Variants in MRE11 observed in about 807,000 individuals in gnomAD.
MRE11 encodes double-strand break repair protein MRE11.
Under a neutral mutation model 91.7 loss-of-function variants are expected in MRE11, and 62 were observed. The ratio of observed to expected loss-of-function variants is 0.68; its 90% CI spans 0.55 to 0.84. MRE11 has a LOEUF of 0.84. Among genes scored for constraint, MRE11 ranks in the 40% least tolerant of loss-of-function variants. The pLI is 0.00. For missense variants in MRE11, 796 were observed against 852.9 expected, an observed-to-expected ratio of 0.93 and a Z score of 0.83; for synonymous variants, 273 against 271.4, an observed-to-expected ratio of 1.01 and a Z score of -0.06.
intron 19 of MRE11, among the ~76,000 whole-genome samples, chr11:94,427,189 T>C (rs1250282711): frequency 6.6e-6 from 1 of 152,124 alleles, no homozygotes; most frequent in Non-Finnish European, 1.5e-5. Context: ...AAAAAGTTAA[T>C]ATACCATGAT....
chr11:94,494,612 G>C (rs182573421), upstream of MRE11, among the ~76,000 whole-genome samples: 463 of 152,194 alleles, frequency 3.0e-3, 2 homozygotes, highest in African/African-American at 9.5e-3. Flanking sequence ...ATTCCTGATG[G>C]AATATCAGGA....
chr11:94,503,250 GCAGCCAC>G, the MRE11 span, among the ~76,000 whole-genome samples: 3 of 151,950 alleles, frequency 2.0e-5, no homozygotes, highest in Admixed American at 2.0e-4. Flanking sequence ...CCAGATCCTG[GCAGCCAC>G]CATTCTACTC....
Position 94,454,264 on chromosome 11 carries a change from G to C in MRE11, c.1563+2012C>G, listed in dbSNP as rs185746194. 5.8e-3 allele frequency among the ~76,000 whole-genome samples: 877 copies of C among 151,312 alleles called. 5 individuals are homozygous for C. Among genetic ancestry groups the C allele is most frequent in the African/African-American group, 0.019 (795 of 40,830 alleles). On this transcript the variant is annotated intron_variant, in intron 14 of 19. Coordinates refer to ENST00000323929, the MANE Select transcript of MRE11 (RefSeq NM_005591.4). ...AATTTTTGTATTTTTTGTAGAGATG[G>C]GGTTTTGCCATGTTGCCCAGGCTGG...
rs1208266534 is a variant in MRE11 at position 94,470,612 on chromosome 11, C to T, written c.876G>A (p.Arg292=). The T allele has an allele frequency of 6.2e-7, 1 of 1,613,060 alleles. No homozygotes were observed. The highest frequency in any genetic ancestry group is 8.5e-7 in the Non-Finnish European group (1 of 1,179,378). The change falls in exon 9 of 20, where the codon AGG becomes AGA. Residue 292 remains arginine, a synonymous_variant. Transcript: ENST00000323929. ...GAGGAATTTTATGCATATTCATCTT[C>T]CTCCCTTTAATACGCAGCAAACCAA... ...KHVGLLRIKG[R]KMNMHKIPLH... is the part of the protein sequence containing the mutation.
chr11:94,475,226 A>G (rs1157798353), intron 7 of MRE11: 1 of 153,454 alleles, frequency 6.5e-6, no homozygotes, highest in Admixed American at 6.4e-5. Flanking sequence ...TAACAACGAA[A>G]AATATAAATT....
rs138606025 is a variant in MRE11, at chr11:94,462,017, G to A, written c.1226-981C>T. 8.8e-3 allele frequency among the ~76,000 whole-genome samples: 1,345 copies of A among 152,292 alleles called. 22 individuals carry two copies. Among genetic ancestry groups the A allele is most frequent in the African/African-American group, 0.031 (1,290 of 41,540 alleles). ...GTGAACCTGGGAGGCGGAGCTTACA[G>A]TGAGCTGAGATCACGCCACTGCACT... On this transcript the variant is annotated intron_variant, in intron 11 of 19. Coordinates refer to ENST00000323929, the MANE Select transcript of MRE11 (RefSeq NM_005591.4).
intron 19 of MRE11, among the ~76,000 whole-genome samples, chr11:94,422,547 A>G (rs911607673): frequency 1.3e-5 from 2 of 152,192 alleles, no homozygotes; most frequent in Non-Finnish European, 2.9e-5. Flanking sequence ...AGAAGCTAAA[A>G]AAAATTCCGA....
At chr11:94,435,773 T>C in intron 18 of MRE11, 59 bp downstream of exon 18, 6 of 1,420,744 alleles carry the variant, frequency 4.2e-6, no homozygotes, top group African/African-American at 1.4e-5. Flanking sequence ...AACTTTGGAA[T>C]TCTGGATAAT....
At chr11:94,511,944 C>T in the MRE11 span, among the ~76,000 whole-genome samples, 1 of 152,238 alleles carries the variant, frequency 6.6e-6, no homozygotes, top group African/African-American at 2.4e-5. Context: ...TTGGAAACTA[C>T]AATGTGCTTA....
chr11:94,482,488 G>C (rs1947036060), intron 4 of MRE11, among the ~76,000 whole-genome samples: 2 of 151,702 alleles, frequency 1.3e-5, no homozygotes, highest in South Asian at 4.2e-4. Context: ...CTGTGCTTCA[G>C]AAAGAAGGAA....
intron 16 of MRE11, among the ~76,000 whole-genome samples, chr11:94,440,520 G>C (rs918315272): frequency 6.6e-6 from 1 of 152,108 alleles, no homozygotes; most frequent in Admixed American, 6.5e-5. Context: ...CTAGAACTCA[G>C]AGAGGTAAGC....
upstream of MRE11, among the ~76,000 whole-genome samples, chr11:94,496,189 G>C (rs1045546139): frequency 6.6e-6 from 1 of 152,058 alleles, no homozygotes; most frequent in African/African-American, 2.4e-5. Flanking sequence ...CTGATTCTTC[G>C]AAATAGTATT....
chr11:94,444,831 T>C (rs919777639), intron 16 of MRE11, among the ~76,000 whole-genome samples: 5 of 149,250 alleles, frequency 3.4e-5, no homozygotes, highest in Non-Finnish European at 7.4e-5. Flanking sequence ...AATTATAATA[T>C]TTAAAAAATA....
chr11:94,496,828 G>A (rs1374591351), upstream of MRE11: 6 of 1,613,914 alleles, frequency 3.7e-6, no homozygotes, highest in Non-Finnish European at 5.1e-6. Context: ...AAAGTCTTTG[G>A]GTAGGCAATT....
rs12273275 is a variant in MRE11, at chr11:94,472,068, T to C, written c.660-309A>G. Among the ~76,000 whole-genome samples the C allele has an allele frequency of 0.09, 13,654 of 152,058 alleles. 1,739 individuals carry two copies. Among genetic ancestry groups the C allele is most frequent in the African/African-American group, 0.29 (11,874 of 41,466 alleles). Reference sequence around the variant, plus strand: ...TCCCCTTTGGTCAATCAGAAAAGCATGAATTCTATCAATAGTAGAAATCTA... The same window carrying C: ...TCCCCTTTGGTCAATCAGAAAAGCACGAATTCTATCAATAGTAGAAATCTA... On this transcript the variant is annotated intron_variant, in intron 7 of 19. Coordinates refer to ENST00000323929, the MANE Select transcript of MRE11 (RefSeq NM_005591.4).
intron 9 of MRE11, among the ~76,000 whole-genome samples, chr11:94,469,825 A>G (rs1591691424): frequency 6.6e-6 from 1 of 152,166 alleles, no homozygotes; most frequent in Non-Finnish European, 1.5e-5. Context: ...CATGAAAAGA[A>G]AACATAGTAG....
At chr11:94,456,457 T>C (rs1199106126) in intron 13 of MRE11, 119 bp from the exon 14 acceptor site, 1 of 746,930 alleles carries the variant, frequency 1.3e-6, no homozygotes, top group Non-Finnish European at 2.3e-6. Flanking sequence ...TAACAATGTC[T>C]CACAAAAGTA....
At chr11:94,445,981 C>T (rs1945918987) in intron 15 of MRE11, 88 bp from the exon 16 acceptor site, 1 of 969,444 alleles carries the variant, frequency 1.0e-6, no homozygotes, top group South Asian at 1.3e-5. Flanking sequence ...GCTAAATAAA[C>T]TTATGTCAAA....
rs917528251 is a variant in MRE11 at position 94,419,346 on chromosome 11, T to C, written c.*779A>G. On this transcript the variant is annotated 3_prime_UTR_variant, in exon 20 of 20. Transcript: ENST00000323929. Reference sequence around the variant, plus strand: ...TACCTAAAACAAATTCTTCAATATTTTCAAGATGTAGTTTAAAACAATTTT... The same window carrying C: ...TACCTAAAACAAATTCTTCAATATTCTCAAGATGTAGTTTAAAACAATTTT... The C allele has an allele frequency of 4.3e-6, 1 of 232,848 alleles. No individual in the cohort carries two copies. Among genetic ancestry groups the C allele is most frequent in the African/African-American group, 2.2e-5 (1 of 45,292 alleles). The allele number at this position is 232,848 out of a possible 1,614,324, so 14.4% of individuals were successfully genotyped here.
Sources: gnomAD v4.1 joint callset for allele counts (sites outside exome capture counted in the v4.1 genomes callset) on GRCh38, gnomAD v4.1.1 for gene constraint, MANE v1.5 for transcripts, NCBI Gene and HGNC (gene_info 2026-07-23, HGNC 2026-07-21) for gene names.